RB1: variants seen among roughly 807,000 people sequenced by gnomAD.
The protein encoded by RB1 is retinoblastoma-associated protein.
RB1 carries 18 observed loss-of-function variants against 135.4 expected under a neutral mutation model. The ratio of observed to expected loss-of-function variants is 0.13; its 90% CI spans 0.09 to 0.20. The LOEUF (loss-of-function observed/expected upper bound fraction) is 0.20. Ranked by LOEUF, RB1 falls within the 10% of genes least tolerant of loss-of-function variation. The pLI is 1.00. For missense variants in RB1, 868 were observed against 1,110.0 expected (o/e 0.78, Z 3.10); for synonymous variants, 365 against 373.2 (o/e 0.98, Z 0.25).
chr13:48,385,993 C>T (rs1948568371), intron 17 of RB1, among the ~76,000 whole-genome samples: 1 of 149,818 alleles, frequency 6.7e-6, no homozygotes, highest in African/African-American at 2.5e-5. Context: ...ATCATTTGAG[C>T]CCAGAAGTTC....
At chr13:48,475,203 C>G (rs77113177) in intron 24 of RB1, among the ~76,000 whole-genome samples, 146 of 152,316 alleles carry the variant, frequency 9.6e-4, no homozygotes, top group African/African-American at 3.4e-3. Context: ...AATGGGAAGA[C>G]TGCCTATGTT....
At chr13:48,311,940 A>G (rs894996889) in intron 2 of RB1, among the ~76,000 whole-genome samples, 12 of 152,186 alleles carry the variant, frequency 7.9e-5, no homozygotes, top group African/African-American at 2.7e-4. Context: ...TCCTGACCTC[A>G]TGATCTGCCC....
chr13:48,307,435 T>C (rs1952091265), intron 2 of RB1, 29 bp downstream of exon 2: 4 of 1,596,146 alleles, frequency 2.5e-6, no homozygotes, highest in Middle Eastern at 1.7e-4. Flanking sequence ...CGTTTTGAAA[T>C]TTTTTTTTCT....
chr13:48,360,439 A>T lies in RB1; in HGVS notation c.718+312A>T, dbSNP rs198619. On this transcript the variant is annotated intron_variant, in intron 7 of 26. Coordinates refer to ENST00000267163, the MANE Select transcript of RB1 (RefSeq NM_000321.3). ...GTAGTATTTGAAATTAACATGGAAGAGTGGTTAGGATTGGGGAAAGGCATT... is the reference window on the plus strand; with the variant it reads ...GTAGTATTTGAAATTAACATGGAAGTGTGGTTAGGATTGGGGAAAGGCATT... 168,021 of 271,834 alleles carry T rather than the reference A, an allele frequency of 0.62. 57,319 individuals are homozygous for T. The highest frequency in any genetic ancestry group is 0.72 in the Non-Finnish European group (106,514 of 148,476). The allele number at this position is 271,834 out of a possible 1,614,324, so 16.8% of individuals were successfully genotyped here.
rs570188030 is a variant in RB1, at chr13:48,391,903, A to T, written c.1695+10460A>T. The stretch of plus-strand genomic sequence containing the variant: ...CCAAAGGGCTGGGATTACTGGCATG[A>T]GCCACCGCACCCAGCCAACAAAAAA... On this transcript the variant is annotated intron_variant, in intron 17 of 26. Transcript: ENST00000267163. 2.3e-3 allele frequency among the ~76,000 whole-genome samples: 347 copies of T among 152,232 alleles called. 1 individual carries two copies. The highest frequency in any genetic ancestry group is 8.0e-3 in the African/African-American group (331 of 41,534).
intron 2 of RB1, 72 bp from the exon 3 acceptor site, chr13:48,342,527 A>G: frequency 1.1e-6 from 1 of 946,994 alleles, no homozygotes; most frequent in Non-Finnish European, 1.7e-6. Context: ...ATCAGTTATA[A>G]TACAGTTTTA....
chr13:48,336,364 C>T (rs1206239504), intron 2 of RB1, among the ~76,000 whole-genome samples: 3 of 152,144 alleles, frequency 2.0e-5, no homozygotes, highest in East Asian at 1.9e-4. Flanking sequence ...AATTTCAGAA[C>T]GTGTTATTGG....
chr13:48,465,343 C>G lies in RB1; in HGVS notation c.2464C>G (p.Pro822Ala), dbSNP rs368413787. ...PYKISEGLPT[P>A]TKMTPRSRIL... is the part of the protein sequence containing the mutation. ...TAAAATTTCAGAAGGTCTGCCAACA[C>G]CAACAAAAATGACTCCAAGATCAAG... The change falls in exon 23 of 27, where the codon CCA (proline) becomes GCA (alanine). Residue 822 changes from proline to alanine, a missense_variant. Physicochemically the swap from Pro to Ala is conservative, Grantham distance 27. Transcript: ENST00000267163. The G allele has an allele frequency of 9.3e-6, 15 of 1,607,572 alleles. No homozygotes were observed. In the African/African-American group the frequency reaches 2.0e-4, roughly 22 times the overall value.
chr13:48,348,815 G>A (rs1438911531), intron 5 of RB1, 141 bp from the exon 6 acceptor site: 1 of 895,314 alleles, frequency 1.1e-6, no homozygotes, highest in African/African-American at 1.7e-5. Context: ...CAATTAAAAT[G>A]GACTGCATTC....
chr13:48,411,542 T>G (rs1204424954), intron 17 of RB1: 1 of 1,613,738 alleles, frequency 6.2e-7, no homozygotes, highest in Non-Finnish European at 8.5e-7. Context: ...TTGTGTCCGA[T>G]GTAAAGTAGT....
intron 2 of RB1, among the ~76,000 whole-genome samples, chr13:48,312,706 G>C (rs79018550): frequency 0.026 from 3,948 of 152,178 alleles, 68 homozygotes; most frequent in Middle Eastern, 0.061. Flanking sequence ...GCAGTGCTTG[G>C]TTTTTACTGT....
intron 6 of RB1, among the ~76,000 whole-genome samples, chr13:48,353,195 C>T (rs1001821679): frequency 6.6e-6 from 1 of 151,558 alleles, no homozygotes; most frequent in Non-Finnish European, 1.5e-5. Flanking sequence ...AATTGACAAG[C>T]CTTTAGCTAG....
chr13:48,345,432 T>C (rs1310445097), intron 4 of RB1, among the ~76,000 whole-genome samples: 1 of 152,184 alleles, frequency 6.6e-6, no homozygotes, highest in African/African-American at 2.4e-5. Flanking sequence ...CTTCCATTTG[T>C]TTTCAAAAAC....
In RB1 at chr13:48,459,818, C is replaced by T. The variant is rs3092903; in HGVS notation, c.2091C>T (p.Asp697=). ...AGAATGAGTATGAACTCATGAGAGA[C>T]AGGCATTTGGACCAAGTAAGAAAAT... ...TLQNEYELMR[D]RHLDQIMMCS... is the part of the protein sequence containing the mutation. The change falls in exon 20 of 27, where the codon GAC becomes GAT. Residue 697 remains aspartate, a synonymous_variant. Transcript: ENST00000267163. 1.2e-6 allele frequency: 2 copies of T among 1,613,684 alleles called. No homozygotes were observed. Among genetic ancestry groups the T allele is most frequent in the Non-Finnish European group, 1.7e-6 (2 of 1,179,730 alleles).
intron 21 of RB1, among the ~76,000 whole-genome samples, chr13:48,464,239 G>A (rs1303953764): frequency 3.9e-5 from 6 of 152,102 alleles, no homozygotes; most frequent in East Asian, 1.9e-4. Flanking sequence ...TTGTGTTTCC[G>A]GTTTACCTTC....
At chr13:48,335,256 C>T (rs1360771418) in intron 2 of RB1, among the ~76,000 whole-genome samples, 1 of 152,040 alleles carries the variant, frequency 6.6e-6, no homozygotes, top group Non-Finnish European at 1.5e-5. Flanking sequence ...TATGATATAG[C>T]TCTATCACAA....
At chr13:48,366,419 G>A (rs1952698919) in intron 9 of RB1, among the ~76,000 whole-genome samples, 1 of 152,128 alleles carries the variant, frequency 6.6e-6, no homozygotes, top group African/African-American at 2.4e-5. Flanking sequence ...ATACATTTAT[G>A]AAGATTAATG....
intron 12 of RB1, 76 bp downstream of exon 12, chr13:48,373,568 T>G (rs1208602915): frequency 1.1e-6 from 1 of 952,108 alleles, no homozygotes; most frequent in Non-Finnish European, 1.7e-6. Context: ...AAGTACTGAG[T>G]TCTTTTTAAA....
intron 17 of RB1, among the ~76,000 whole-genome samples, chr13:48,403,132 T>A (rs1468840784): frequency 6.6e-6 from 1 of 152,206 alleles, no homozygotes; most frequent in Non-Finnish European, 1.5e-5. Flanking sequence ...TTTAAAGATC[T>A]CCTGTGTTTT....
Sources: allele counts gnomAD v4.1 joint callset (sites outside exome capture counted in the v4.1 genomes callset), GRCh38; gene constraint gnomAD v4.1.1; transcripts MANE v1.5; gene names NCBI Gene and HGNC (gene_info 2026-07-23, HGNC 2026-07-21).